ADAMTS12: variants seen among roughly 807,000 people sequenced by gnomAD.
The protein encoded by ADAMTS12 is ADAM metallopeptidase with thrombospondin type 1 motif 12.
Under a neutral mutation model 167.8 loss-of-function variants are expected in ADAMTS12, and 118 were observed. The observed-to-expected ratio is 0.70, with a 90% confidence interval of 0.61 to 0.82. The LOEUF (loss-of-function observed/expected upper bound fraction) is 0.82, where lower values mean the gene tolerates loss of function less well. Ranked by LOEUF, ADAMTS12 falls within the 40% of genes least tolerant of loss-of-function variation. ADAMTS12 has a pLI of 0.00. For missense variants in ADAMTS12, 1,916 were observed against 1,998.8 expected (o/e 0.96, Z 0.79); for synonymous variants, 704 against 716.9 (o/e 0.98, Z 0.29).
intron 2 of ADAMTS12, among the ~76,000 whole-genome samples, chr5:33,873,022 G>C (rs1000515191): frequency 1.3e-5 from 2 of 152,112 alleles, no homozygotes; most frequent in African/African-American, 2.4e-5. Context: ...GTAAGGCAAA[G>C]ATGTCCTCTT....
At chr5:33,702,940 G>A (rs947369800) in intron 3 of ADAMTS12, among the ~76,000 whole-genome samples, 1 of 152,172 alleles carries the variant, frequency 6.6e-6, no homozygotes, top group African/African-American at 2.4e-5. Context: ...CCATTCTACA[G>A]GCAAAACCAT....
intron 14 of ADAMTS12, among the ~76,000 whole-genome samples, chr5:33,619,873 T>C (rs1190882555): frequency 6.6e-6 from 1 of 152,154 alleles, no homozygotes; most frequent in Non-Finnish European, 1.5e-5. Flanking sequence ...TTTTGTACTT[T>C]TAGTAGAGAC....
intron 2 of ADAMTS12, among the ~76,000 whole-genome samples, chr5:33,780,837 T>G (rs1175028272): frequency 6.6e-6 from 1 of 152,176 alleles, no homozygotes; most frequent in Non-Finnish European, 1.5e-5. Context: ...GAGATTGGTC[T>G]TTCCCCTTCT....
intron 19 of ADAMTS12, among the ~76,000 whole-genome samples, chr5:33,572,722 C>A (rs947368311): frequency 3.4e-5 from 5 of 148,292 alleles, no homozygotes; most frequent in African/African-American, 1.3e-4. Context: ...CACTCCTATG[C>A]AACATAGTGT....
intron 3 of ADAMTS12, among the ~76,000 whole-genome samples, chr5:33,686,625 T>A (rs1327707763): frequency 6.6e-6 from 1 of 151,694 alleles, no homozygotes; most frequent in Non-Finnish European, 1.5e-5. Flanking sequence ...GGCAGTTAGA[T>A]CGAGATGAGC....
intron 11 of ADAMTS12, among the ~76,000 whole-genome samples, chr5:33,638,623 T>C (rs370344970): frequency 6.6e-6 from 1 of 152,172 alleles, no homozygotes; most frequent in African/African-American, 2.4e-5. Flanking sequence ...CAGTAATTTT[T>C]TTCTCCTCTT....
Position 33,881,103 on chromosome 5 carries a change from C to T in ADAMTS12, c.489+16G>A. The T allele has an allele frequency of 1.2e-6, 2 of 1,608,570 alleles. No homozygotes were observed. Among genetic ancestry groups the T allele is most frequent in the Non-Finnish European group, 1.7e-6 (2 of 1,177,552 alleles). On this transcript the variant is annotated intron_variant, in intron 2 of 23. Transcript: ENST00000504830. ...GGGCCAGGGCAGAGGAAGGAGATGC[C>T]AGAGCCCACACTCACCAGTCCATGG... is the stretch of plus-strand genomic sequence containing the variant.
rs181614072 is a variant in ADAMTS12 at position 33,540,838 on chromosome 5, C to T, written c.4446+5221G>A. ...AAAAACCCCATCTGTAGGTCACCAA[C>T]ATCAAAGACCAAAATAGGTAAAACC... On this transcript the variant is annotated intron_variant, in intron 22 of 23. Transcript: ENST00000504830. 1.4e-4 allele frequency among the ~76,000 whole-genome samples: 21 copies of T among 152,314 alleles called. No homozygotes were observed. In the East Asian group the frequency reaches 3.7e-3, roughly 27 times the overall value.
At chr5:33,704,999 G>C (rs1012887669) in intron 3 of ADAMTS12, among the ~76,000 whole-genome samples, 3 of 151,368 alleles carry the variant, frequency 2.0e-5, no homozygotes, top group African/African-American at 7.3e-5. Flanking sequence ...TATAGTGTGA[G>C]GTAAGGGTTC....
At chr5:33,639,408 G>T (rs934141667) in intron 11 of ADAMTS12, among the ~76,000 whole-genome samples, 1 of 152,194 alleles carries the variant, frequency 6.6e-6, no homozygotes, top group Non-Finnish European at 1.5e-5. Context: ...ATGTATCCCA[G>T]ACTGAAAGTA....
intron 9 of ADAMTS12, among the ~76,000 whole-genome samples, chr5:33,647,196 C>T (rs994553241): frequency 2.0e-5 from 3 of 151,976 alleles, no homozygotes; most frequent in African/African-American, 4.8e-5. Flanking sequence ...AAGAGGAGAG[C>T]GAATTATGAA....
At chr5:33,758,092 C>A (rs1561255363) in intron 2 of ADAMTS12, among the ~76,000 whole-genome samples, 1 of 152,082 alleles carries the variant, frequency 6.6e-6, no homozygotes, top group Non-Finnish European at 1.5e-5. Context: ...TTAAACGAGT[C>A]AGTGTAAAGT....
At chr5:33,612,859 T>C (rs541099392) in intron 16 of ADAMTS12, among the ~76,000 whole-genome samples, 32 of 152,236 alleles carry the variant, frequency 2.1e-4, no homozygotes, top group Non-Finnish European at 3.7e-4. Context: ...TTGACCTTGA[T>C]AGATTTCCAG....
chr5:33,641,514 C>T (rs1386780946), intron 11 of ADAMTS12, among the ~76,000 whole-genome samples: 2 of 152,192 alleles, frequency 1.3e-5, no homozygotes, highest in East Asian at 1.9e-4. Context: ...CTCCTAGAGG[C>T]TTTCACATAG....
intron 2 of ADAMTS12, among the ~76,000 whole-genome samples, chr5:33,791,855 C>A (rs1357816711): frequency 1.4e-5 from 2 of 141,550 alleles, no homozygotes; most frequent in East Asian, 2.3e-4. Context: ...ATCCTCCAAG[C>A]CTAACTCAGA....
chr5:33,675,200 G>A (rs946132264), intron 5 of ADAMTS12, among the ~76,000 whole-genome samples: 3 of 152,168 alleles, frequency 2.0e-5, no homozygotes, highest in African/African-American at 7.2e-5. Context: ...GCAGATGATG[G>A]ACTAAAACAG....
chr5:33,870,638 T>G (rs1218482751), intron 2 of ADAMTS12, among the ~76,000 whole-genome samples: 1 of 152,170 alleles, frequency 6.6e-6, no homozygotes, highest in Non-Finnish European at 1.5e-5. Context: ...TAAAATGATA[T>G]GGTTTGGATT....
At chr5:33,741,205 G>T (rs1579894682) in intron 3 of ADAMTS12, among the ~76,000 whole-genome samples, 1 of 152,150 alleles carries the variant, frequency 6.6e-6, no homozygotes, top group African/African-American at 2.4e-5. Flanking sequence ...ATCTGCTAGG[G>T]CTGCCATGAC....
At chr5:33,783,271 T>A (rs1302280536) in intron 2 of ADAMTS12, among the ~76,000 whole-genome samples, 1 of 151,752 alleles carries the variant, frequency 6.6e-6, no homozygotes, top group African/African-American at 2.4e-5. Context: ...AGAGGGAAGG[T>A]TTCTAGCTTT....
Sources: allele counts gnomAD v4.1 joint callset (sites outside exome capture counted in the v4.1 genomes callset), GRCh38; gene constraint gnomAD v4.1.1; transcripts MANE v1.5; gene names NCBI Gene and HGNC (gene_info 2026-07-23, HGNC 2026-07-21).